The following LRRIQ1 variants were observed in gnomAD, a reference collection of about 807,000 sequenced individuals.
LRRIQ1 encodes leucine-rich repeat- and IQ domain-containing protein 1.
LRRIQ1 carries 210 observed loss-of-function variants against 211.9 expected under a neutral mutation model. The ratio of observed to expected loss-of-function variants is 0.99; its 90% confidence interval spans 0.89 to 1.11. The LOEUF is 1.11. Among genes scored for constraint, LRRIQ1 ranks in the 50% most tolerant of loss-of-function variants. The probability of loss-of-function intolerance (pLI) is 0.00; values close to 1 mark genes in which losing one functional copy is unlikely to be tolerated. For missense variants in LRRIQ1, 2,136 were observed against 1,939.5 expected (o/e 1.10, Z -1.90); for synonymous variants, 699 against 650.1 (o/e 1.08, Z -1.14).
rs1378783381 is a variant in LRRIQ1, at chr12:85,217,502, ATATATATGTGTGTG to A, written c.4823-12013_4823-12000del. Among the ~76,000 whole-genome samples the A allele has an allele frequency of 2.3e-3, 179 of 77,978 alleles. 2 individuals carry two copies. The highest frequency in any genetic ancestry group is 3.5e-3 in the Non-Finnish European group (163 of 45,972). 51.2% of individuals were successfully genotyped at this position (77,978 alleles called of 152,430 possible). ...TATATATATATATATGTATATATAT[ATATATATGTGTGTG>A]TGTGTGTGTGTGTGTGTGTGTGTGT... is the stretch of plus-strand genomic sequence containing the variant. On this transcript the variant is annotated intron_variant, in intron 24 of 26. Transcript: ENST00000393217.
chr12:85,169,398 T>C (rs752444961), intron 24 of LRRIQ1, among the ~76,000 whole-genome samples: 2 of 152,178 alleles, frequency 1.3e-5, no homozygotes, highest in Non-Finnish European at 2.9e-5. Context: ...TTTAATGTGA[T>C]ATGATAGCTC....
At chr12:85,238,429 C>T (rs1421559886) in intron 26 of LRRIQ1, among the ~76,000 whole-genome samples, 1 of 151,894 alleles carries the variant, frequency 6.6e-6, no homozygotes, top group Non-Finnish European at 1.5e-5. Flanking sequence ...CACCTATGCA[C>T]CTCATAATCA....
chr12:85,257,129 ATATATAT>A (rs1258588265), intron 1 of LRRIQ1, among the ~76,000 whole-genome samples: 7 of 100,458 alleles, frequency 7.0e-5, no homozygotes, highest in Non-Finnish European at 5.8e-5. Context: ...ATAATATATA[ATATATAT>A]TATATATTTA....
chr12:85,165,684 A>G (rs1297756090), intron 24 of LRRIQ1, among the ~76,000 whole-genome samples: 1 of 152,038 alleles, frequency 6.6e-6, no homozygotes, highest in Non-Finnish European at 1.5e-5. Context: ...CGTGTTGCCC[A>G]GGTTGGTCTC....
chr12:85,056,641 A>C lies in LRRIQ1; in HGVS notation c.1848A>C (p.Leu616=). 1 of 1,597,868 alleles carries C rather than the reference A, an allele frequency of 6.3e-7. No individual in the cohort carries two copies. The highest frequency in any genetic ancestry group is 8.5e-7 in the Non-Finnish European group (1 of 1,173,384). The stretch of plus-strand genomic sequence containing the variant: ...CAGTGAAACAAAGATCACTCTCACT[A>C]ACATCAGAAAATTCCAAAGATGTAA... ...VISVKQRSLS[L]TSENSKDVRE... Residue 616 remains leucine (L), a synonymous_variant, in exon 8 of 27, where the codon CTA becomes CTC. Coordinates refer to ENST00000393217, the MANE Select transcript of LRRIQ1 (RefSeq NM_001079910.2).
At chr12:85,270,286 A>G in the LRRIQ1 span, among the ~76,000 whole-genome samples, 1 of 152,136 alleles carries the variant, frequency 6.6e-6, no homozygotes, top group Non-Finnish European at 1.5e-5. Context: ...AGGTAACTGT[A>G]CTTGTTTTAG....
chr12:85,099,030 A>T (rs759826125), intron 13 of LRRIQ1, 36 bp downstream of exon 13: 2 of 1,395,592 alleles, frequency 1.4e-6, no homozygotes, highest in East Asian at 5.1e-5. Context: ...TCAGTGAATG[A>T]TTGTTTAAAA....
chr12:85,228,865 T>C (rs1432862581), intron 24 of LRRIQ1, among the ~76,000 whole-genome samples: 2 of 152,204 alleles, frequency 1.3e-5, no homozygotes, highest in Non-Finnish European at 2.9e-5. Flanking sequence ...AGAATTGTTC[T>C]GAGTTGATTA....
chr12:85,140,944 C>T (rs545042015), intron 19 of LRRIQ1, among the ~76,000 whole-genome samples: 15 of 151,426 alleles, frequency 9.9e-5, no homozygotes, highest in African/African-American at 2.9e-4. Context: ...TCATCTTTTT[C>T]TACCTATTAC....
At chr12:85,125,192 TAAAC>T (rs981936286) in intron 17 of LRRIQ1, among the ~76,000 whole-genome samples, 8 of 151,884 alleles carry the variant, frequency 5.3e-5, no homozygotes, top group African/African-American at 1.5e-4. Flanking sequence ...AATAAATAAA[TAAAC>T]AAAATAAAAA....
chr12:85,271,382 C>T, the LRRIQ1 span, among the ~76,000 whole-genome samples: 1 of 152,096 alleles, frequency 6.6e-6, no homozygotes, highest in Non-Finnish European at 1.5e-5. Context: ...CCACTTAGTT[C>T]CACCACTGGG....
At chr12:85,209,354 TATA>T (rs1373858129) in intron 24 of LRRIQ1, among the ~76,000 whole-genome samples, 2 of 152,042 alleles carry the variant, frequency 1.3e-5, no homozygotes, top group Non-Finnish European at 2.9e-5. Flanking sequence ...AAAAGCCCCT[TATA>T]AAACCATCAG....
At chr12:85,127,193 G>A (rs776232018) in intron 17 of LRRIQ1, among the ~76,000 whole-genome samples, 11 of 152,152 alleles carry the variant, frequency 7.2e-5, no homozygotes, top group South Asian at 2.1e-4. Context: ...TTTAAATCAC[G>A]TTTTGCTAAT....
intron 11 of LRRIQ1, among the ~76,000 whole-genome samples, chr12:85,097,607 C>G (rs1476509772): frequency 2.0e-5 from 3 of 152,056 alleles, no homozygotes; most frequent in Non-Finnish European, 4.4e-5. Flanking sequence ...TTTATGGCTA[C>G]ATAATTTTAA....
chr12:85,083,379 A>G (rs938514134), intron 11 of LRRIQ1, among the ~76,000 whole-genome samples: 1 of 152,074 alleles, frequency 6.6e-6, no homozygotes, highest in Non-Finnish European at 1.5e-5. Flanking sequence ...TGCAGAGGTG[A>G]GGATGATCAG....
chr12:85,230,489 T>C (rs1894880780), intron 25 of LRRIQ1, among the ~76,000 whole-genome samples: 1 of 152,208 alleles, frequency 6.6e-6, no homozygotes. Flanking sequence ...AAGGCACACC[T>C]ATATGATCTT....
chr12:85,204,594 A>T (rs1893452586), intron 24 of LRRIQ1, among the ~76,000 whole-genome samples: 1 of 152,214 alleles, frequency 6.6e-6, no homozygotes. Context: ...GATGTGAGAA[A>T]TGGAGTCAAA....
At chr12:85,213,600 CA>C (rs992696078) in intron 24 of LRRIQ1, among the ~76,000 whole-genome samples, 1 of 151,874 alleles carries the variant, frequency 6.6e-6, no homozygotes, top group Admixed American at 6.6e-5. Flanking sequence ...AATCAGGTAT[CA>C]AAAAATGTCT....
chr12:85,184,515 A>G (rs1307816939), intron 24 of LRRIQ1, among the ~76,000 whole-genome samples: 4 of 152,060 alleles, frequency 2.6e-5, no homozygotes, highest in Non-Finnish European at 2.9e-5. Context: ...AATATTTATA[A>G]CTACATAAAG....
Sources: gnomAD v4.1 joint callset for allele counts (sites outside exome capture counted in the v4.1 genomes callset) on GRCh38, gnomAD v4.1.1 for gene constraint, MANE v1.5 for transcripts, NCBI Gene and HGNC (gene_info 2026-07-23, HGNC 2026-07-21) for gene names.